GRID2: variants seen among roughly 807,000 people sequenced by gnomAD.
The protein encoded by GRID2 is glutamate receptor ionotropic, delta-2.
A neutral mutation model predicts 114.8 loss-of-function variants in GRID2; 33 were observed. That is an observed-to-expected ratio of 0.29 (90% CI 0.22 to 0.38). The LOEUF (loss-of-function observed/expected upper bound fraction) is 0.38. Among genes scored for constraint, GRID2 ranks in the 10% least tolerant of loss-of-function variants. The pLI is 1.00. For synonymous variants in GRID2, 505 were observed against 449.9 expected (o/e 1.12, Z -1.55); for missense variants, 1,184 against 1,257.7 (o/e 0.94, Z 0.89).
chr4:92,939,494 A>C (rs976639287), intron 2 of GRID2, among the ~76,000 whole-genome samples: 2 of 146,458 alleles, frequency 1.4e-5, no homozygotes, highest in Non-Finnish European at 3.0e-5. Context: ...GATTGCAAAA[A>C]TTTTCTCCCA....
intron 2 of GRID2, among the ~76,000 whole-genome samples, chr4:92,855,352 C>T (rs1744100255): frequency 6.6e-6 from 1 of 151,882 alleles, no homozygotes; most frequent in East Asian, 1.9e-4. Context: ...GGCGAATAGT[C>T]CTGCACATCA....
intron 2 of GRID2, among the ~76,000 whole-genome samples, chr4:92,986,948 C>T (rs1277375710): frequency 3.9e-5 from 6 of 152,076 alleles, no homozygotes; most frequent in African/African-American, 1.2e-4. Context: ...TTCTTTTTGT[C>T]CCCCAAAAGC....
At chr4:92,997,227 G>C (rs1031057256) in intron 2 of GRID2, among the ~76,000 whole-genome samples, 3 of 152,174 alleles carry the variant, frequency 2.0e-5, no homozygotes, top group Admixed American at 2.0e-4. Flanking sequence ...GAAAGAGCTA[G>C]TGTGTTAGGA....
At chr4:92,799,244 A>G (rs1740037791) in intron 2 of GRID2, among the ~76,000 whole-genome samples, 1 of 151,842 alleles carries the variant, frequency 6.6e-6, no homozygotes, top group Non-Finnish European at 1.5e-5. Context: ...CGCAACCTAG[A>G]TCCTTCTCAT....
chr4:92,685,780 A>C (rs1733869104), intron 2 of GRID2, among the ~76,000 whole-genome samples: 1 of 151,976 alleles, frequency 6.6e-6, no homozygotes, highest in Admixed American at 6.6e-5. Flanking sequence ...TATATTCTCT[A>C]CCTGTTCTAT....
intron 2 of GRID2, among the ~76,000 whole-genome samples, chr4:92,833,008 A>G (rs1164741651): frequency 6.6e-6 from 1 of 152,174 alleles, no homozygotes; most frequent in African/African-American, 2.4e-5. Flanking sequence ...TATGTTTACA[A>G]AATCCCTAGA....
intron 2 of GRID2, among the ~76,000 whole-genome samples, chr4:93,020,796 G>T (rs1052966890): frequency 1.3e-5 from 2 of 152,106 alleles, no homozygotes; most frequent in Non-Finnish European, 1.5e-5. Context: ...ACTTTGGAAG[G>T]CCGAGGCGGG....
intron 1 of GRID2, among the ~76,000 whole-genome samples, chr4:92,415,772 A>ATG (rs1157633225): frequency 1.6e-5 from 2 of 123,256 alleles, no homozygotes; most frequent in Non-Finnish European, 3.3e-5. Flanking sequence ...ATATATATAT[A>ATG]TATATATATC....
chr4:92,316,541 T>A (rs1206089971), intron 1 of GRID2, among the ~76,000 whole-genome samples: 1 of 152,202 alleles, frequency 6.6e-6, no homozygotes, highest in Admixed American at 6.5e-5. Context: ...TCACCAGATT[T>A]TTTTTACACC....
At chr4:92,960,344 T>A (rs1476943317) in intron 2 of GRID2, among the ~76,000 whole-genome samples, 2 of 152,016 alleles carry the variant, frequency 1.3e-5, no homozygotes, top group African/African-American at 4.8e-5. Flanking sequence ...ACCTGTCCAT[T>A]TCTGATAGAG....
chr4:93,544,706 G>C (rs1439865635), intron 13 of GRID2, among the ~76,000 whole-genome samples: 2 of 151,194 alleles, frequency 1.3e-5, no homozygotes, highest in Non-Finnish European at 2.9e-5. Flanking sequence ...GAACTCGGGA[G>C]GCGGAGACTG....
chr4:93,677,167 C>T (rs880003201), intron 14 of GRID2, among the ~76,000 whole-genome samples: 6 of 152,148 alleles, frequency 3.9e-5, no homozygotes, highest in African/African-American at 1.2e-4. Flanking sequence ...CACGGAGGCT[C>T]GCTGATTGCT....
intron 2 of GRID2, among the ~76,000 whole-genome samples, chr4:92,721,008 A>G (rs550865319): frequency 9.9e-5 from 15 of 152,146 alleles, no homozygotes; most frequent in Non-Finnish European, 1.8e-4. Context: ...ATACTGCAGT[A>G]TAAATGAATC....
intron 14 of GRID2, among the ~76,000 whole-genome samples, chr4:93,710,626 AG>A (rs1257485887): frequency 6.6e-6 from 1 of 152,118 alleles, no homozygotes; most frequent in African/African-American, 2.4e-5. Context: ...TTTGGTCAAC[AG>A]GTGGTAAGTA....
At chr4:93,454,299 G>A (rs1231347638) in intron 10 of GRID2, among the ~76,000 whole-genome samples, 1 of 151,936 alleles carries the variant, frequency 6.6e-6, no homozygotes, top group African/African-American at 2.4e-5. Context: ...TGGTTCATTT[G>A]GAAAATGAAT....
chr4:92,973,944 G>A (rs968386746), intron 2 of GRID2, among the ~76,000 whole-genome samples: 1 of 151,988 alleles, frequency 6.6e-6, no homozygotes, highest in African/African-American at 2.4e-5. Flanking sequence ...CTATCTATCT[G>A]ACAAAAGGCA....
intron 2 of GRID2, among the ~76,000 whole-genome samples, chr4:92,968,872 C>T (rs919468398): frequency 6.6e-6 from 1 of 151,750 alleles, no homozygotes; most frequent in Non-Finnish European, 1.5e-5. Flanking sequence ...TATTTAAAAA[C>T]ATGTATTTCT....
chr4:92,466,138 ATTTTACTACAC>A (rs1161010489), intron 1 of GRID2, among the ~76,000 whole-genome samples: 1 of 151,816 alleles, frequency 6.6e-6, no homozygotes, highest in Non-Finnish European at 1.5e-5. Context: ...TGGACAGTTA[ATTTTACTACAC>A]TATATATATG....
At chr4:92,720,520 G>A (rs374246075) in intron 2 of GRID2, among the ~76,000 whole-genome samples, 4 of 151,770 alleles carry the variant, frequency 2.6e-5, no homozygotes, top group African/African-American at 9.7e-5. Flanking sequence ...AGCTCTTTGC[G>A]AGACTCCATC....
Sources: allele counts gnomAD v4.1 joint callset (sites outside exome capture counted in the v4.1 genomes callset), GRCh38; gene constraint gnomAD v4.1.1; transcripts MANE v1.5; gene names NCBI Gene and HGNC (gene_info 2026-07-23, HGNC 2026-07-21).